HPSE2: variants seen among roughly 807,000 people sequenced by gnomAD.
HPSE2 encodes heparanase 2 (inactive).
HPSE2 carries 38 observed loss-of-function variants against 60.5 expected under a neutral mutation model. The observed-to-expected ratio is 0.63, with a 90% CI of 0.48 to 0.82. The LOEUF is 0.82. Ranked by LOEUF, HPSE2 falls within the 40% of genes least tolerant of loss-of-function variation. The pLI is 0.00. For synonymous variants in HPSE2, 295 were observed against 293.2 expected, an observed-to-expected ratio of 1.01 and a Z score of -0.06; for missense variants, 713 against 740.4, an observed-to-expected ratio of 0.96 and a Z score of 0.43.
chr10:99,228,769 A>C (rs1315661916), intron 2 of HPSE2, among the ~76,000 whole-genome samples: 1 of 152,216 alleles, frequency 6.6e-6, no homozygotes, highest in African/African-American at 2.4e-5. Flanking sequence ...TGGTTTTACA[A>C]AGTTAGAGAA....
intron 2 of HPSE2, among the ~76,000 whole-genome samples, chr10:99,151,907 C>A (rs866720939): frequency 1.1e-4 from 16 of 152,048 alleles, no homozygotes; most frequent in African/African-American, 2.7e-4. Context: ...CAGAGCTAGA[C>A]CCTATCTCAT....
At chr10:98,503,168 C>T (rs531059160) in intron 9 of HPSE2, among the ~76,000 whole-genome samples, 9 of 147,794 alleles carry the variant, frequency 6.1e-5, no homozygotes, top group South Asian at 2.1e-4. Context: ...GCCAAGATCG[C>T]GCCATTGCAC....
chr10:99,116,880 G>A (rs933038653), intron 3 of HPSE2, among the ~76,000 whole-genome samples: 1 of 152,042 alleles, frequency 6.6e-6, no homozygotes, highest in African/African-American at 2.4e-5. Context: ...CTCAGGAACT[G>A]AAAGTACAAT....
intron 3 of HPSE2, among the ~76,000 whole-genome samples, chr10:98,981,696 C>A (rs1242641600): frequency 1.3e-5 from 2 of 152,070 alleles, no homozygotes; most frequent in Non-Finnish European, 2.9e-5. Flanking sequence ...TATCTGGTAG[C>A]TATTTCTACC....
chr10:99,063,569 T>G (rs575467166), intron 3 of HPSE2, among the ~76,000 whole-genome samples: 1 of 152,330 alleles, frequency 6.6e-6, no homozygotes, highest in East Asian at 1.9e-4. Context: ...CTGTTTAAAA[T>G]GTGAATAACC....
At chr10:98,895,638 A>G (rs1174482275) in intron 3 of HPSE2, among the ~76,000 whole-genome samples, 1 of 152,138 alleles carries the variant, frequency 6.6e-6, no homozygotes, top group Non-Finnish European at 1.5e-5. Context: ...ATGCACATGT[A>G]TGTTTATTGC....
chr10:99,212,657 G>GAT (rs917134871), intron 2 of HPSE2, among the ~76,000 whole-genome samples: 5 of 152,118 alleles, frequency 3.3e-5, no homozygotes, highest in African/African-American at 1.2e-4. Flanking sequence ...TGGTTTGGGA[G>GAT]ATATTGCTCA....
At chr10:98,960,886 C>G (rs541335403) in intron 3 of HPSE2, among the ~76,000 whole-genome samples, 1 of 91,386 alleles carries the variant, frequency 1.1e-5, no homozygotes, top group East Asian at 3.9e-4. Flanking sequence ...TGCTATCCCT[C>G]CCCCCTCCCC....
chr10:98,795,171 A>G (rs1950752071), intron 3 of HPSE2, among the ~76,000 whole-genome samples: 1 of 152,224 alleles, frequency 6.6e-6, no homozygotes. Context: ...TCAAATATTA[A>G]CAACTGTTTG....
At chr10:99,283,579 G>T in the HPSE2 span, among the ~76,000 whole-genome samples, 2 of 151,570 alleles carry the variant, frequency 1.3e-5, no homozygotes, top group Admixed American at 6.6e-5. Context: ...TCTTTGAAAA[G>T]ATTAACAAAA....
chr10:98,994,711 G>C (rs1956604944), intron 3 of HPSE2, among the ~76,000 whole-genome samples: 1 of 152,182 alleles, frequency 6.6e-6, no homozygotes, highest in Admixed American at 6.5e-5. Context: ...ACCAGAGACG[G>C]TGGGTTCCCT....
chr10:99,029,403 G>T (rs1957448038), intron 3 of HPSE2, among the ~76,000 whole-genome samples: 1 of 152,226 alleles, frequency 6.6e-6, no homozygotes, highest in African/African-American at 2.4e-5. Context: ...AGAAAAGCCA[G>T]CTGGGCCCGG....
chr10:98,525,894 G>T lies in HPSE2; in HGVS notation c.1321-35698C>A, dbSNP rs547799198. Among the ~76,000 whole-genome samples, 4 of 152,274 alleles carry T rather than the reference G, an allele frequency of 2.6e-5. No individual in the cohort carries two copies. In the East Asian group the frequency reaches 7.7e-4, roughly 29 times the overall value. On this transcript the variant is annotated intron_variant, in intron 9 of 11. Transcript: ENST00000370552. ...AATAATATTTGAACTTCAATTTTTT[G>T]ATGTAACACTCCAGTAACAGCACCG...
At chr10:99,025,124 C>A (rs1207116791) in intron 3 of HPSE2, among the ~76,000 whole-genome samples, 3 of 152,082 alleles carry the variant, frequency 2.0e-5, no homozygotes, top group African/African-American at 4.8e-5. Flanking sequence ...CTTTTCAAGA[C>A]ATAGTACAAT....
intron 6 of HPSE2, among the ~76,000 whole-genome samples, chr10:98,642,398 A>T (rs191677604): frequency 7.2e-5 from 11 of 152,320 alleles, no homozygotes; most frequent in Admixed American, 3.9e-4. Context: ...TAAACACGAA[A>T]GCAAAAATCT....
chr10:99,135,548 A>T (rs1845613528), intron 3 of HPSE2, among the ~76,000 whole-genome samples: 1 of 152,240 alleles, frequency 6.6e-6, no homozygotes, highest in Non-Finnish European at 1.5e-5. Context: ...CTCAGGATTA[A>T]GAAACTCACT....
At chr10:98,577,566 C>T (rs1021184769) in intron 9 of HPSE2, among the ~76,000 whole-genome samples, 2 of 152,190 alleles carry the variant, frequency 1.3e-5, no homozygotes, top group Non-Finnish European at 2.9e-5. Context: ...CCATTTTGTC[C>T]TTGCTCTTCT....
intron 6 of HPSE2, among the ~76,000 whole-genome samples, chr10:98,664,864 A>AT (rs1416934826): frequency 6.6e-6 from 1 of 152,208 alleles, no homozygotes; most frequent in African/African-American, 2.4e-5. Flanking sequence ...CAGCACAAGA[A>AT]TTCTGGCAAT....
At chr10:98,564,784 T>C (rs1321437351) in intron 9 of HPSE2, among the ~76,000 whole-genome samples, 1 of 152,236 alleles carries the variant, frequency 6.6e-6, no homozygotes, top group African/African-American at 2.4e-5. Flanking sequence ...GGCCATGTTT[T>C]AAATATTTCC....
Sources: gnomAD v4.1 joint callset for allele counts (sites outside exome capture counted in the v4.1 genomes callset) on GRCh38, gnomAD v4.1.1 for gene constraint, MANE v1.5 for transcripts, NCBI Gene and HGNC (gene_info 2026-07-23, HGNC 2026-07-21) for gene names.